The following AGPAT4 variants were observed in gnomAD, a reference collection of about 807,000 sequenced individuals.
AGPAT4 encodes 1-acyl-sn-glycerol-3-phosphate acyltransferase delta.
AGPAT4 carries 15 observed loss-of-function variants against 48.0 expected under a neutral mutation model. The ratio of observed to expected loss-of-function variants is 0.31; its 90% confidence interval spans 0.21 to 0.48. The LOEUF (loss-of-function observed/expected upper bound fraction) is 0.48, where lower values mean the gene tolerates loss of function less well. AGPAT4 is among the 20% of genes least tolerant of loss of function. The pLI is 0.99. For synonymous variants in AGPAT4, 178 were observed against 198.7 expected (o/e 0.90, Z 0.88); for missense variants, 314 against 482.5 (o/e 0.65, Z 3.27).
In AGPAT4 at chr6:161,234,698, T is replaced by C. The variant is rs1277488399; in HGVS notation, c.-89-2396A>G. ...TCAAGACAATCTGGCCAGGCCAAGC[T>C]CGGTTTTTCACTAGGTTTCTGGGGT... On this transcript the variant is annotated intron_variant, in intron 1 of 8. Coordinates refer to ENST00000320285, the MANE Select transcript of AGPAT4 (RefSeq NM_020133.3). This position sits in a 1 kb window ranked among gnomAD's most constrained non-coding sequence, Gnocchi z 4.4. Among the ~76,000 whole-genome samples, 2 of 152,094 alleles carry C rather than the reference T, an allele frequency of 1.3e-5. No individual in the cohort carries two copies. The highest frequency in any genetic ancestry group is 4.8e-5 in the African/African-American group (2 of 41,418).
At chr6:161,203,377 CTTTCTTT>C (rs1230003399) in intron 2 of AGPAT4, among the ~76,000 whole-genome samples, 1 of 77,612 alleles carries the variant, frequency 1.3e-5, no homozygotes, top group Non-Finnish European at 2.4e-5. Context: ...TGTTCTTTTT[CTTTCTTT>C]TTTTTTTTTT....
chr6:161,161,268 C>T lies in AGPAT4; in HGVS notation c.348+4980G>A, dbSNP rs928356784. 10 of 456,596 alleles carry T rather than the reference C, an allele frequency of 2.2e-5. No individual in the cohort carries two copies. Among genetic ancestry groups the T allele is most frequent in the African/African-American group, 4.0e-5 (2 of 50,096 alleles). 28.3% of individuals were successfully genotyped at this position (456,596 alleles called of 1,614,324 possible). A position where few individuals can be genotyped will look rare whatever the true frequency, so the allele number is the denominator to read the frequency against. ...ACTTTTACAGATGAGCATGCGCTCC[C>T]ACCTCCAGGATGGTAGTCGGTATGA... On this transcript the variant is annotated intron_variant, in intron 3 of 8. Transcript: ENST00000320285. The surrounding 1 kb of genome is among the most constrained non-coding windows in gnomAD (Gnocchi z 4.6).
Position 161,135,347 on chromosome 6 carries a change from C to CA in AGPAT4, c.*1192dup, listed in dbSNP as rs1779032500. On this transcript the variant is annotated 3_prime_UTR_variant, in exon 9 of 9. Transcript: ENST00000320285. ...GATTTAATAGCTAGCATTTGTTCTG[C>CA]AAAAATAGCACTGCTTTTAGTTTCT... 1 of 152,216 alleles carries CA rather than the reference C, an allele frequency of 6.6e-6. No homozygotes were observed. The highest frequency in any genetic ancestry group is 2.4e-5 in the African/African-American group (1 of 41,458). The allele number at this position is 152,216 out of a possible 1,614,324, so 9.4% of individuals were successfully genotyped here.
In AGPAT4 at chr6:161,141,203, T is replaced by C. The variant is rs1337220561; in HGVS notation, c.844-1583A>G. ...GGGCAGTTCAGGTGCCTCTGCTCTGTCCTCGGCCCCCTGCAGCCCATTAAC... is the reference window on the plus strand; with the variant it reads ...GGGCAGTTCAGGTGCCTCTGCTCTGCCCTCGGCCCCCTGCAGCCCATTAAC... On this transcript the variant is annotated intron_variant, in intron 7 of 8. Coordinates refer to ENST00000320285, the MANE Select transcript of AGPAT4 (RefSeq NM_020133.3). The surrounding 1 kb of genome is among the most constrained non-coding windows in gnomAD (Gnocchi z 6.7). Among the ~76,000 whole-genome samples the C allele has an allele frequency of 6.6e-6, 1 of 152,056 alleles. No homozygotes were observed. The highest frequency in any genetic ancestry group is 1.5e-5 in the Non-Finnish European group (1 of 68,002).
chr6:161,175,391 C>T (rs1292302448), intron 2 of AGPAT4, among the ~76,000 whole-genome samples: 3 of 151,812 alleles, frequency 2.0e-5, no homozygotes. Flanking sequence ...GTGTATGTGT[C>T]CAGGAATTCA....
rs1474130883 is a variant in AGPAT4 at position 161,251,952 on chromosome 6, T to C, written c.-89-19650A>G. Among the ~76,000 whole-genome samples, 1 of 144,654 alleles carries C rather than the reference T, an allele frequency of 6.9e-6. No homozygotes were observed. The highest frequency in any genetic ancestry group is 1.5e-5 in the Non-Finnish European group (1 of 65,528). The allele number at this position is 144,654 out of a possible 152,430, so 94.9% of individuals were successfully genotyped here. A position where few individuals can be genotyped will look rare whatever the true frequency, so the allele number is the denominator to read the frequency against. ...TTCTTAACCCATTTATGCTGGAGAG[T>C]ATAATTTTTTGAATTTTTGCATGAG... On this transcript the variant is annotated intron_variant, in intron 1 of 8. Transcript: ENST00000320285. The surrounding 1 kb of genome is among the most constrained non-coding windows in gnomAD (Gnocchi z 4.6).
At position 161,222,088 on chromosome 6, in the gene AGPAT4, G is replaced by A. The variant is rs1781851095; in HGVS notation, c.178+9948C>T. Among the ~76,000 whole-genome samples the A allele has an allele frequency of 6.6e-6, 1 of 152,202 alleles. No homozygotes were observed. Among genetic ancestry groups the A allele is most frequent in the Non-Finnish European group, 1.5e-5 (1 of 68,042 alleles). ...GTTGACTATGCTCTGCTCAGGTCCT[G>A]TAAGGCACAGCCTGAAACACCTTCC... On this transcript the variant is annotated intron_variant, in intron 2 of 8. Coordinates refer to ENST00000320285, the MANE Select transcript of AGPAT4 (RefSeq NM_020133.3). This position sits in a 1 kb window ranked among gnomAD's most constrained non-coding sequence, Gnocchi z 5.9.
At chr6:161,252,644 G>GAAACGCTGTCTCT (rs11268813) in intron 1 of AGPAT4, among the ~76,000 whole-genome samples, 1 of 152,016 alleles carries the variant, frequency 6.6e-6, no homozygotes, top group Admixed American at 6.5e-5. Flanking sequence ...GCAACATGGT[G>GAAACGCTGTCTCT]ACAAAAAATA....
intron 2 of AGPAT4, among the ~76,000 whole-genome samples, chr6:161,230,381 A>T (rs1782092620): frequency 6.6e-6 from 1 of 152,258 alleles, no homozygotes. Context: ...TATGCAAGTC[A>T]CATAAATGCA....
Position 161,144,323 on chromosome 6 carries a change from G to A in AGPAT4, c.843+2201C>T. 2.3e-6 allele frequency: 1 copy of A among 428,650 alleles called. No homozygotes were observed. Among genetic ancestry groups the A allele is most frequent in the South Asian group, 1.7e-5 (1 of 58,898 alleles). 26.6% of individuals were successfully genotyped at this position (428,650 alleles called of 1,614,324 possible). ...GCACCTGGCTTTGATCAGTGAGCTG[G>A]AAAACTGGGTAAATCACTTCATCTT... On this transcript the variant is annotated intron_variant, in intron 7 of 8. Coordinates refer to ENST00000320285, the MANE Select transcript of AGPAT4 (RefSeq NM_020133.3). The surrounding 1 kb of genome is among the most constrained non-coding windows in gnomAD (Gnocchi z 6.6).
rs1781855031 is a variant in AGPAT4, at chr6:161,222,184, A to G, written c.178+9852T>C. Among the ~76,000 whole-genome samples, 1 of 152,218 alleles carries G rather than the reference A, an allele frequency of 6.6e-6. No homozygotes were observed. Among genetic ancestry groups the G allele is most frequent in the Non-Finnish European group, 1.5e-5 (1 of 68,032 alleles). On this transcript the variant is annotated intron_variant, in intron 2 of 8. Coordinates refer to ENST00000320285, the MANE Select transcript of AGPAT4 (RefSeq NM_020133.3). This position sits in a 1 kb window ranked among gnomAD's most constrained non-coding sequence, Gnocchi z 5.9. ...ATGCAGTCAATCCATCCATCAATCA[A>G]TAAAAGGTGCTGATGAATTTCAGCA...
chr6:161,225,414 G>A lies in AGPAT4; in HGVS notation c.178+6622C>T, dbSNP rs1043225482. 4.6e-5 allele frequency among the ~76,000 whole-genome samples: 7 copies of A among 152,270 alleles called. No individual in the cohort carries two copies. Among genetic ancestry groups the A allele is most frequent in the Admixed American group, 3.9e-4 (6 of 15,298 alleles). On this transcript the variant is annotated intron_variant, in intron 2 of 8. Transcript: ENST00000320285. This position sits in a 1 kb window ranked among gnomAD's most constrained non-coding sequence, Gnocchi z 5.0. The stretch of plus-strand genomic sequence containing the variant: ...ACTCACCATTGCTCCATCTGTAAGG[G>A]TGCACCCTTCTATAGAAGTAACTTG...
rs1583298541 is a variant in AGPAT4 at position 161,169,513 on chromosome 6, C to T, written c.179-3096G>A. ...ATGGTGTGTCACTCTGTCATCCAGG[C>T]TGGAGTGCAGTGGCCCAATCATACA... On this transcript the variant is annotated intron_variant, in intron 2 of 8. Transcript: ENST00000320285. The surrounding 1 kb of genome is among the most constrained non-coding windows in gnomAD (Gnocchi z 5.0). Among the ~76,000 whole-genome samples the T allele has an allele frequency of 6.6e-6, 1 of 152,232 alleles. No homozygotes were observed. The highest frequency in any genetic ancestry group is 2.1e-4 in the South Asian group (1 of 4,816).
Position 161,159,548 on chromosome 6 carries a change from T to G in AGPAT4, c.349-5238A>C, listed in dbSNP as rs1291777649. Among the ~76,000 whole-genome samples, 1 of 152,182 alleles carries G rather than the reference T, an allele frequency of 6.6e-6. No homozygotes were observed. Among genetic ancestry groups the G allele is most frequent in the African/African-American group, 2.4e-5 (1 of 41,444 alleles). ...TGGAATCTCTGAAATCTGTCCCTAG[T>G]TATAGCAAAATGCAGAAAAGACTGG... On this transcript the variant is annotated intron_variant, in intron 3 of 8. Coordinates refer to ENST00000320285, the MANE Select transcript of AGPAT4 (RefSeq NM_020133.3). This position sits in a 1 kb window ranked among gnomAD's most constrained non-coding sequence, Gnocchi z 4.1.
intron 2 of AGPAT4, among the ~76,000 whole-genome samples, chr6:161,176,321 T>A (rs565969001): frequency 6.6e-6 from 1 of 152,366 alleles, no homozygotes; most frequent in South Asian, 2.1e-4. Context: ...TGGGTGCTCC[T>A]GTATTGGGTG....
At chr6:161,157,208 A>G (rs1040466283) in intron 3 of AGPAT4, among the ~76,000 whole-genome samples, 6 of 152,252 alleles carry the variant, frequency 3.9e-5, no homozygotes, top group African/African-American at 1.2e-4. Flanking sequence ...TATTGTAAAC[A>G]TATTTCACAG....
rs1389931024 is a variant in AGPAT4 at position 161,132,148 on chromosome 6, T to C, written c.*4392A>G. 1 of 152,208 alleles carries C rather than the reference T, an allele frequency of 6.6e-6. No individual in the cohort carries two copies. Among genetic ancestry groups the C allele is most frequent in the Non-Finnish European group, 1.5e-5 (1 of 68,038 alleles). 9.4% of individuals were successfully genotyped at this position (152,208 alleles called of 1,614,324 possible). A position where few individuals can be genotyped will look rare whatever the true frequency, so the allele number is the denominator to read the frequency against. The stretch of plus-strand genomic sequence containing the variant: ...TTTGTAAAGACTGCTTGCTTACCCT[T>C]TGTCTGGCATGCACATTCAGGATGT... On this transcript the variant is annotated 3_prime_UTR_variant, in exon 9 of 9. Coordinates refer to ENST00000320285, the MANE Select transcript of AGPAT4 (RefSeq NM_020133.3).
rs953450848 is a variant in AGPAT4 at position 161,264,247 on chromosome 6, C to T, written c.-90+9691G>A. Reference sequence around the variant, plus strand: ...CCCTCCATACAACAAGTTACCAAACCCTCCTGGCTTTCAGACCTGTGCCTC... The same window carrying T: ...CCCTCCATACAACAAGTTACCAAACTCTCCTGGCTTTCAGACCTGTGCCTC... On this transcript the variant is annotated intron_variant, in intron 1 of 8. Transcript: ENST00000320285. The surrounding 1 kb of genome is among the most constrained non-coding windows in gnomAD (Gnocchi z 6.8). 6.6e-6 allele frequency among the ~76,000 whole-genome samples: 1 copy of T among 152,092 alleles called. No individual in the cohort carries two copies. The highest frequency in any genetic ancestry group is 2.4e-5 in the African/African-American group (1 of 41,408).
At chr6:161,207,370 G>C (rs1781403729) in intron 2 of AGPAT4, among the ~76,000 whole-genome samples, 1 of 152,182 alleles carries the variant, frequency 6.6e-6, no homozygotes, top group Admixed American at 6.5e-5. Flanking sequence ...AAACTCCTGG[G>C]TTACGTGATC....
Sources: allele counts gnomAD v4.1 joint callset (sites outside exome capture counted in the v4.1 genomes callset), GRCh38; gene constraint gnomAD v4.1.1; non-coding constraint Gnocchi (gnomAD v3.1); transcripts MANE v1.5; gene names NCBI Gene and HGNC (gene_info 2026-07-23, HGNC 2026-07-21).